Variants in PEX19 observed in about 807,000 individuals in gnomAD.
PEX19 encodes peroxisomal biogenesis factor 19, also known as 33 kDa housekeeping protein.
PEX19 carries 29 observed loss-of-function variants against 36.3 expected under a neutral mutation model. The ratio of observed to expected loss-of-function variants is 0.80; its 90% CI spans 0.60 to 1.09. PEX19 has a LOEUF of 1.09. Among genes scored for constraint, PEX19 ranks in the 50% least tolerant of loss-of-function variants. The probability of loss-of-function intolerance (pLI) is 0.00; values close to 1 mark genes in which losing one functional copy is unlikely to be tolerated. For synonymous variants in PEX19, 141 were observed against 135.2 expected (o/e 1.04, Z -0.30); for missense variants, 396 against 368.1 (o/e 1.08, Z -0.62).
rs764365559 is a variant in PEX19, at chr1:160,278,524, C to T, written c.*1027G>A. The T allele has an allele frequency of 6.3e-6, 3 of 476,350 alleles. No individual in the cohort carries two copies. The highest frequency in any genetic ancestry group is 3.1e-5 in the South Asian group (2 of 64,670). The allele number at this position is 476,350 out of a possible 1,614,324, so 29.5% of individuals were successfully genotyped here. A position where few individuals can be genotyped will look rare whatever the true frequency, so the allele number is the denominator to read the frequency against. ...TTATATTCTGCCCCATGGGGCCTTG[C>T]AGGAAAAGGGACCCAAGCTATACCC... On this transcript the variant is annotated 3_prime_UTR_variant, in exon 8 of 8. Coordinates refer to ENST00000368072, the MANE Select transcript of PEX19 (RefSeq NM_002857.4).
Position 160,277,339 on chromosome 1 carries a change from G to C in PEX19, c.*2212C>G, listed in dbSNP as rs1156932932. On this transcript the variant is annotated 3_prime_UTR_variant, in exon 8 of 8. Coordinates refer to ENST00000368072, the MANE Select transcript of PEX19 (RefSeq NM_002857.4). ...CCTACAGAACAGTCTGGCCAGTTTG[G>C]GTGCTGTCAAACTTGCCGGGTCGGC... 2.2e-6 allele frequency: 1 copy of C among 455,952 alleles called. No individual in the cohort carries two copies. The highest frequency in any genetic ancestry group is 2.0e-5 in the African/African-American group (1 of 50,062). 28.2% of individuals were successfully genotyped at this position (455,952 alleles called of 1,614,324 possible).
In PEX19 at chr1:160,283,549, G is replaced by A. The variant is rs1657873534; in HGVS notation, c.161C>T (p.Ser54Leu). ...TTATACTTTGGCAGTGTCTCCTGGC[G>A]ATCTCTTCTGGGGCCCCGAAGCATC... The part of the protein sequence containing the change: ...APDASGPQKR[S>L]PGDTAKDALF... The change falls in exon 2 of 8, where the codon TCG (serine) becomes TTG (leucine). Residue 54 changes from serine (S) to leucine (L), a missense_variant. Coordinates refer to ENST00000368072, the MANE Select transcript of PEX19 (RefSeq NM_002857.4). 3 of 1,612,724 alleles carry A rather than the reference G, an allele frequency of 1.9e-6. No homozygotes were observed. The highest frequency in any genetic ancestry group is 1.3e-5 in the African/African-American group (1 of 74,992).
Position 160,278,173 on chromosome 1 carries a change from A to G in PEX19, c.*1378T>C, listed in dbSNP as rs1657617094. On this transcript the variant is annotated 3_prime_UTR_variant, in exon 8 of 8. Transcript: ENST00000368072. ...GGTCCGTAGACCCACTGGGAGCCAC[A>G]GAAAAAAAGCCACGTCAGCTTAAAG... 2.8e-6 allele frequency: 2 copies of G among 702,608 alleles called. No homozygotes were observed. The highest frequency in any genetic ancestry group is 5.4e-5 in the East Asian group (2 of 37,290). The allele number at this position is 702,608 out of a possible 1,614,324, so 43.5% of individuals were successfully genotyped here.
At position 160,278,258 on chromosome 1, in the gene PEX19, G is replaced by A; in HGVS notation, c.*1293C>T. The A allele has an allele frequency of 2.9e-6, 2 of 699,844 alleles. No homozygotes were observed. Among genetic ancestry groups the A allele is most frequent in the Non-Finnish European group, 5.2e-6 (2 of 384,502 alleles). The allele number at this position is 699,844 out of a possible 1,614,324, so 43.4% of individuals were successfully genotyped here. A position where few individuals can be genotyped will look rare whatever the true frequency, so the allele number is the denominator to read the frequency against. ...AACATTAATAACAATAATGTAAAAG[G>A]TTAAAATATAATACCACTTGAAGGG... On this transcript the variant is annotated 3_prime_UTR_variant, in exon 8 of 8. Transcript: ENST00000368072.
At chr1:160,282,353 G>C in intron 4 of PEX19, 64 bp downstream of exon 4, 1 of 1,454,758 alleles carries the variant, frequency 6.9e-7, no homozygotes. Context: ...TCTGTCTTTT[G>C]AGACTCTGCT....
Position 160,285,046 on chromosome 1 carries a change from G to C in PEX19, c.70+9C>G, listed in dbSNP as rs367604409. On this transcript the variant is annotated intron_variant, in intron 1 of 7. Coordinates refer to ENST00000368072, the MANE Select transcript of PEX19 (RefSeq NM_002857.4). ...CCCTCTTCGGGCCTTTCCCACTATG[G>C]GCTCTTACTTTCCAGAAGCTCCTCC... is the stretch of plus-strand genomic sequence containing the variant. The C allele has an allele frequency of 3.1e-6, 5 of 1,604,956 alleles. No homozygotes were observed. The highest frequency in any genetic ancestry group is 1.3e-5 in the African/African-American group (1 of 74,720).
At chr1:160,282,923 A>G (rs1252954528) in intron 3 of PEX19, 21 bp downstream of exon 3, 4 of 1,612,314 alleles carry the variant, frequency 2.5e-6, no homozygotes, top group Admixed American at 3.3e-5. Context: ...AGATATTTCC[A>G]TGTATCTGGG....
intron 2 of PEX19, 82 bp from the exon 3 acceptor site, chr1:160,283,191 G>T: frequency 6.8e-7 from 1 of 1,475,448 alleles, no homozygotes; most frequent in Non-Finnish European, 9.5e-7. Flanking sequence ...ACAGGCAGTG[G>T]CTATGGGAAA....
Position 160,278,846 on chromosome 1 carries a change from G to T in PEX19, c.*705C>A, listed in dbSNP as rs536586008. On this transcript the variant is annotated 3_prime_UTR_variant, in exon 8 of 8. Coordinates refer to ENST00000368072, the MANE Select transcript of PEX19 (RefSeq NM_002857.4). Reference sequence around the variant, plus strand: ...GGAGGATGGGCAGGGGATAGAGGAAGGTCAGGGGCTGGGTTCACCCATATC... The same window carrying T: ...GGAGGATGGGCAGGGGATAGAGGAATGTCAGGGGCTGGGTTCACCCATATC... The T allele has an allele frequency of 2.2e-6, 1 of 454,088 alleles. No individual in the cohort carries two copies. Among genetic ancestry groups the T allele is most frequent in the South Asian group, 1.6e-5 (1 of 64,476 alleles). 28.1% of individuals were successfully genotyped at this position (454,088 alleles called of 1,614,324 possible).
At position 160,278,292 on chromosome 1, in the gene PEX19, A is replaced by T. The variant is rs945759597; in HGVS notation, c.*1259T>A. On this transcript the variant is annotated 3_prime_UTR_variant, in exon 8 of 8. Coordinates refer to ENST00000368072, the MANE Select transcript of PEX19 (RefSeq NM_002857.4). Reference sequence around the variant, plus strand: ...TAATACCACTTGAAGGGCTTTCTACATTGAAATACTCAAGGGAACATGAGG... The same window carrying T: ...TAATACCACTTGAAGGGCTTTCTACTTTGAAATACTCAAGGGAACATGAGG... 1 of 696,240 alleles carries T rather than the reference A, an allele frequency of 1.4e-6. No individual in the cohort carries two copies. The highest frequency in any genetic ancestry group is 2.6e-6 in the Non-Finnish European group (1 of 382,414). The allele number at this position is 696,240 out of a possible 1,614,324, so 43.1% of individuals were successfully genotyped here.
chr1:160,277,959 C>T lies in PEX19; in HGVS notation c.*1592G>A, dbSNP rs779471097. The T allele has an allele frequency of 2.2e-4, 153 of 695,446 alleles. No homozygotes were observed. The highest frequency in any genetic ancestry group is 2.9e-5 in the Non-Finnish European group (11 of 381,766). 43.1% of individuals were successfully genotyped at this position (695,446 alleles called of 1,614,324 possible). A position where few individuals can be genotyped will look rare whatever the true frequency, so the allele number is the denominator to read the frequency against. The stretch of plus-strand genomic sequence containing the variant: ...CCTGAGACCTTGAGAACATTTCCTT[C>T]CTCACCAATACCATAAAACATGTAA... On this transcript the variant is annotated 3_prime_UTR_variant, in exon 8 of 8. Transcript: ENST00000368072.
chr1:160,282,234 C>G, intron 4 of PEX19, 34 bp from the exon 5 acceptor site: 1 of 1,610,500 alleles, frequency 6.2e-7, no homozygotes, highest in Middle Eastern at 1.8e-4. Flanking sequence ...AGCAGGTATA[C>G]TACCTTCTTG....
chr1:160,284,528 G>A (rs1245153772), intron 1 of PEX19, among the ~76,000 whole-genome samples: 1 of 152,156 alleles, frequency 6.6e-6, no homozygotes, highest in African/African-American at 2.4e-5. Flanking sequence ...TAAGGGAAAG[G>A]AGTCCGCTTG....
chr1:160,277,456 C>G lies in PEX19; in HGVS notation c.*2095G>C, dbSNP rs142204964. 16 of 456,044 alleles carry G rather than the reference C, an allele frequency of 3.5e-5. No homozygotes were observed. The East Asian group carries it at 9.0e-4, about 26-fold the overall frequency. 28.2% of individuals were successfully genotyped at this position (456,044 alleles called of 1,614,324 possible). ...GAAAACAAAAAACCTGGTCCTTTAC[C>G]ATACATAGTTTGAGAAAGACTGCCC... On this transcript the variant is annotated 3_prime_UTR_variant, in exon 8 of 8. Transcript: ENST00000368072.
At chr1:160,283,723 G>A in intron 1 of PEX19, 84 bp from the exon 2 acceptor site, 1 of 1,109,292 alleles carries the variant, frequency 9.0e-7, no homozygotes, top group Non-Finnish European at 1.4e-6. Flanking sequence ...CAAAGCATTA[G>A]GAATATGATT....
rs543861713 is a variant in PEX19, at chr1:160,278,580, C to T, written c.*971G>A. 156 of 458,240 alleles carry T rather than the reference C, an allele frequency of 3.4e-4. No individual in the cohort carries two copies. The highest frequency in any genetic ancestry group is 2.3e-3 in the South Asian group (148 of 64,492). 28.4% of individuals were successfully genotyped at this position (458,240 alleles called of 1,614,324 possible). A position where few individuals can be genotyped will look rare whatever the true frequency, so the allele number is the denominator to read the frequency against. ...CCTTTTCCAAGCTACTTTCCTGAAC[C>T]AAGGGACAGGATTCTAAGAGAATCA... is the stretch of plus-strand genomic sequence containing the variant. On this transcript the variant is annotated 3_prime_UTR_variant, in exon 8 of 8. Transcript: ENST00000368072.
chr1:160,279,139 C>G lies in PEX19; in HGVS notation c.*412G>C. 4.4e-6 allele frequency: 2 copies of G among 453,164 alleles called. No homozygotes were observed. Among genetic ancestry groups the G allele is most frequent in the Non-Finnish European group, 8.8e-6 (2 of 226,510 alleles). 28.1% of individuals were successfully genotyped at this position (453,164 alleles called of 1,614,324 possible). On this transcript the variant is annotated 3_prime_UTR_variant, in exon 8 of 8. Coordinates refer to ENST00000368072, the MANE Select transcript of PEX19 (RefSeq NM_002857.4). ...AGGAGAACTATAGAAATACAGAGTC[C>G]CAGGTCTCTGCCCCTCCTCCCCAGA...
chr1:160,281,404 C>G (rs918227814), intron 5 of PEX19: 1 of 160,058 alleles, frequency 6.2e-6, no homozygotes, highest in African/African-American at 2.4e-5. Flanking sequence ...TAAGTAAATC[C>G]TCAGTTAATT....
At chr1:160,284,054 C>G in intron 1 of PEX19, 1 of 471,958 alleles carries the variant, frequency 2.1e-6, no homozygotes, top group South Asian at 1.5e-5. Context: ...AAAGGAATAA[C>G]TTGGTGAGAA....
Sources: gnomAD v4.1 joint callset for allele counts (sites outside exome capture counted in the v4.1 genomes callset) on GRCh38, gnomAD v4.1.1 for gene constraint, MANE v1.5 for transcripts, NCBI Gene and HGNC (gene_info 2026-07-23, HGNC 2026-07-21) for gene names.